EFCAB8: variants seen among roughly 807,000 people sequenced by gnomAD.
The protein encoded by EFCAB8 is EF-hand calcium binding domain 8, also known as EF-hand calcium-binding domain-containing protein 8.
Under a neutral mutation model 116.3 loss-of-function variants are expected in EFCAB8, and 100 were observed. That is an observed-to-expected ratio of 0.86 (90% CI 0.73 to 1.02). EFCAB8 has a LOEUF of 1.02. Ranked by LOEUF, EFCAB8 falls within the 50% of genes least tolerant of loss-of-function variation. EFCAB8 has a pLI of 0.00. For synonymous variants in EFCAB8, 558 were observed against 567.9 expected (o/e 0.98, Z 0.25); for missense variants, 1,320 against 1,416.9 (o/e 0.93, Z 1.10).
At chr20:32,898,059 C>G (rs1986247981) in intron 10 of EFCAB8, among the ~76,000 whole-genome samples, 1 of 152,210 alleles carries the variant, frequency 6.6e-6, no homozygotes, top group Admixed American at 6.5e-5. Context: ...CTCATGCCCT[C>G]CGCGCTTCCT....
chr20:32,931,078 C>T, intron 21 of EFCAB8, 100 bp from the exon 22 acceptor site: 1 of 1,051,300 alleles, frequency 9.5e-7, no homozygotes, highest in Non-Finnish European at 1.4e-6. Flanking sequence ...CTGCCCCCCA[C>T]CCCCACCAAA....
chr20:32,885,441 C>CGCAGGTGCCCCCTCCCTGAGCTGTTTTT, intron 5 of EFCAB8, 64 bp from the exon 6 acceptor site: 1 of 1,539,466 alleles, frequency 6.5e-7, no homozygotes, highest in Non-Finnish European at 8.8e-7. Flanking sequence ...TCTGTTCTGC[C>CGCAGGTGCCCCCTCCCTGAGCTGTTTTT]GCAGGTGCCC....
chr20:32,957,901 AATG>A (rs1989023133), intron 23 of EFCAB8, among the ~76,000 whole-genome samples: 1 of 151,382 alleles, frequency 6.6e-6, no homozygotes, highest in Admixed American at 6.6e-5. Flanking sequence ...TTTTTTCTTA[AATG>A]ATTTTTTACC....
intron 22 of EFCAB8, 31 bp downstream of exon 22, chr20:32,931,367 A>G (rs2146275204): frequency 6.6e-7 from 1 of 1,503,930 alleles, no homozygotes; most frequent in Non-Finnish European, 8.9e-7. Flanking sequence ...TTGCTCAGGA[A>G]AGTGCCTTTG....
chr20:32,956,164 A>T (rs1277250238), intron 23 of EFCAB8, among the ~76,000 whole-genome samples: 1 of 151,942 alleles, frequency 6.6e-6, no homozygotes, highest in East Asian at 1.9e-4. Context: ...TACCTTAGAG[A>T]TTATATGTAT....
chr20:32,912,389 G>A (rs557091438), intron 16 of EFCAB8, among the ~76,000 whole-genome samples: 47 of 145,990 alleles, frequency 3.2e-4, no homozygotes, highest in African/African-American at 1.2e-3. Context: ...CCGAGATCCC[G>A]CCATCGCACT....
intron 1 of EFCAB8, among the ~76,000 whole-genome samples, chr20:32,859,365 A>G (rs778580855): frequency 1.2e-4 from 19 of 152,020 alleles, no homozygotes; most frequent in Non-Finnish European, 2.5e-4. Context: ...CTAAATATCA[A>G]CCGAGTTTTA....
chr20:32,878,734 T>C lies in EFCAB8; in HGVS notation c.358T>C (p.Phe120Leu), dbSNP rs1299468574. Reference protein sequence around the residue: ...QKYVDYMMREFQGKEDMRKSQ... With the variant: ...QKYVDYMMRELQGKEDMRKSQ... ...GTATGTGGATTACATGATGCGTGAG[T>C]TCCAGGGAAAAGAGGACATGCGAAA... The change falls in exon 5 of 27, where the codon TTC becomes CTC. Residue 120 changes from phenylalanine to leucine, a missense_variant. Phe to Leu is a conservative substitution (Grantham distance 22, BLOSUM62 0). Coordinates refer to ENST00000400522, the MANE Select transcript of EFCAB8 (RefSeq NM_001143967.2). 1.9e-6 allele frequency: 3 copies of C among 1,551,698 alleles called. No individual in the cohort carries two copies. The highest frequency in any genetic ancestry group is 2.7e-5 in the African/African-American group (2 of 72,996).
intron 14 of EFCAB8, 105 bp downstream of exon 14, chr20:32,908,517 G>A: frequency 2.6e-6 from 3 of 1,174,740 alleles, no homozygotes; most frequent in Non-Finnish European, 3.2e-6. Flanking sequence ...TCCCTCCTGG[G>A]ACTGCTGAAG....
At chr20:32,867,551 C>G (rs1355546425) in intron 2 of EFCAB8, 31 bp from the exon 3 acceptor site, 16 of 1,542,298 alleles carry the variant, frequency 1.0e-5, no homozygotes, top group African/African-American at 1.4e-5. Context: ...TTGAAACGCT[C>G]AGTCCCTGGT....
chr20:32,903,249 C>G (rs910666238), intron 11 of EFCAB8, among the ~76,000 whole-genome samples: 1 of 152,230 alleles, frequency 6.6e-6, no homozygotes, highest in Non-Finnish European at 1.5e-5. Context: ...CCTCACCCCT[C>G]CCCTGGGCTC....
intron 2 of EFCAB8, among the ~76,000 whole-genome samples, chr20:32,864,862 CAA>C (rs909188261): frequency 2.0e-5 from 3 of 152,176 alleles, no homozygotes; most frequent in Admixed American, 6.5e-5. Context: ...GGAGTAATAA[CAA>C]GAGCTGTCAT....
chr20:32,910,549 C>T (rs1192224996), intron 15 of EFCAB8, among the ~76,000 whole-genome samples: 2 of 152,114 alleles, frequency 1.3e-5, no homozygotes, highest in Non-Finnish European at 2.9e-5. Context: ...CAGAGGTGGC[C>T]TTGGGCTGCA....
At chr20:32,953,061 A>G (rs190751334) in intron 23 of EFCAB8, among the ~76,000 whole-genome samples, 4 of 152,368 alleles carry the variant, frequency 2.6e-5, no homozygotes, top group Admixed American at 2.6e-4. Flanking sequence ...ACCTAAGTAG[A>G]ATAATACAAT....
intron 3 of EFCAB8, among the ~76,000 whole-genome samples, chr20:32,869,735 T>TAA (rs202039338): frequency 0.031 from 4,720 of 152,264 alleles, 238 homozygotes; most frequent in African/African-American, 0.11. Context: ...CAGATGACTG[T>TAA]GTATGTTTTC....
Position 32,917,447 on chromosome 20 carries a change from T to C in EFCAB8, c.2003T>C (p.Leu668Pro). The stretch of plus-strand genomic sequence containing the variant: ...ATCCTCTTCTGGAACACCGGCACAC[T>C]CAAGCCCATCTTCAACTTCAATGCC... ...GDILFWNTGT[L>P]KPIFNFNASR... is the part of the protein sequence containing the mutation. The change falls in exon 18 of 27, where the codon CTC becomes CCC. Residue 668 changes from leucine to proline, a missense_variant. Physicochemically the swap from Leu to Pro is moderately conservative, Grantham distance 98 (BLOSUM62 -3). Coordinates refer to ENST00000400522, the MANE Select transcript of EFCAB8 (RefSeq NM_001143967.2). 1 of 1,551,918 alleles carries C rather than the reference T, an allele frequency of 6.4e-7. No individual in the cohort carries two copies. Among genetic ancestry groups the C allele is most frequent in the Non-Finnish European group, 8.7e-7 (1 of 1,146,900 alleles).
chr20:32,894,778 G>T (rs970196725), intron 9 of EFCAB8, among the ~76,000 whole-genome samples: 1 of 152,216 alleles, frequency 6.6e-6, no homozygotes, highest in Non-Finnish European at 1.5e-5. Flanking sequence ...AGTGCACAGT[G>T]ACTATGCTAT....
chr20:32,871,196 C>T (rs992437697), intron 3 of EFCAB8, among the ~76,000 whole-genome samples: 2 of 151,258 alleles, frequency 1.3e-5, no homozygotes, highest in African/African-American at 4.9e-5. Flanking sequence ...TCATCAGTTT[C>T]CTCCCTTTTT....
chr20:32,903,124 C>T (rs1002538854), intron 11 of EFCAB8, among the ~76,000 whole-genome samples: 2 of 152,250 alleles, frequency 1.3e-5, no homozygotes, highest in African/African-American at 4.8e-5. Context: ...GGCTCCTGGC[C>T]AGGGCTGTGG....
Sources: gnomAD v4.1 joint callset for allele counts (sites outside exome capture counted in the v4.1 genomes callset) on GRCh38, gnomAD v4.1.1 for gene constraint, MANE v1.5 for transcripts, NCBI Gene and HGNC (gene_info 2026-07-23, HGNC 2026-07-21) for gene names.